The following FNDC3B variants were observed in gnomAD, a reference collection of about 807,000 sequenced individuals.
FNDC3B encodes the protein fibronectin type III domain-containing protein 3B.
In FNDC3B, 12 loss-of-function variants were observed where a neutral mutation model predicts 151.5. That is an observed-to-expected ratio of 0.08 (90% confidence interval 0.05 to 0.13). FNDC3B has a LOEUF of 0.13. Among genes scored for constraint, FNDC3B ranks in the 10% least tolerant of loss-of-function variants. The pLI, the probability that FNDC3B is intolerant of heterozygous loss-of-function variation, is 1.00. For missense variants in FNDC3B, 1,214 were observed against 1,505.3 expected (o/e 0.81, Z 3.20); for synonymous variants, 528 against 549.0 (o/e 0.96, Z 0.54).
chr3:172,288,684 C>G (rs1000336604), intron 7 of FNDC3B, among the ~76,000 whole-genome samples: 6 of 152,152 alleles, frequency 3.9e-5, no homozygotes, highest in African/African-American at 1.4e-4. Flanking sequence ...TCTGTAGATC[C>G]GCATTTATAT....
chr3:172,306,324 A>G (rs1731197597), intron 9 of FNDC3B, among the ~76,000 whole-genome samples: 1 of 152,224 alleles, frequency 6.6e-6, no homozygotes, highest in South Asian at 2.1e-4. Flanking sequence ...GATAAATACC[A>G]TTGATCCAAA....
At chr3:172,366,176 C>T (rs1396217050) in intron 23 of FNDC3B, among the ~76,000 whole-genome samples, 1 of 152,132 alleles carries the variant, frequency 6.6e-6, no homozygotes, top group African/African-American at 2.4e-5. Context: ...AACTATGATG[C>T]ACTGATTTAT....
chr3:172,223,382 G>A (rs1726387995), intron 3 of FNDC3B, among the ~76,000 whole-genome samples: 1 of 152,214 alleles, frequency 6.6e-6, no homozygotes, highest in Non-Finnish European at 1.5e-5. Context: ...ATTTTTAAAT[G>A]TCCTTTGAAA....
At position 172,168,790 on chromosome 3, in the gene FNDC3B, G is replaced by A. The variant is rs528127575; in HGVS notation, c.187+35244G>A. On this transcript the variant is annotated intron_variant, in intron 3 of 25. Coordinates refer to ENST00000415807, the MANE Select transcript of FNDC3B (RefSeq NM_022763.4). ...TGCAGTGGCGCGATCTCGGCTCACT[G>A]CAACCTCCGCTTCCCGGGTTCAAGT... Among the ~76,000 whole-genome samples, 136 of 147,304 alleles carry A rather than the reference G, an allele frequency of 9.2e-4. 1 individual carries two copies. Among genetic ancestry groups the A allele is most frequent in the African/African-American group, 3.4e-3 (134 of 39,382 alleles).
At chr3:172,325,285 T>C (rs894527427) in intron 11 of FNDC3B, among the ~76,000 whole-genome samples, 1 of 152,232 alleles carries the variant, frequency 6.6e-6, no homozygotes, top group African/African-American at 2.4e-5. Context: ...CTAAATTAGA[T>C]TTTTTAAAGG....
rs1553800973 is a variant in FNDC3B, at chr3:172,392,802, T to TCTTTTTTC, written c.3304-4362_3304-4361insCTTTTTTC. Among the ~76,000 whole-genome samples the TCTTTTTTC allele has an allele frequency of 9.6e-4, 45 of 46,828 alleles. 1 individual carries two copies. The highest frequency in any genetic ancestry group is 2.2e-3 in the Non-Finnish European group (38 of 17,552). 30.7% of individuals were successfully genotyped at this position (46,828 alleles called of 152,430 possible). A position where few individuals can be genotyped will look rare whatever the true frequency, so the allele number is the denominator to read the frequency against. ...AAGTAACTGAATGAATTTTTTCTTT[T>TCTTTTTTC]TTTTTTTCTTTTTTTTTTTTCAGAC... On this transcript the variant is annotated intron_variant, in intron 25 of 25. Coordinates refer to ENST00000415807, the MANE Select transcript of FNDC3B (RefSeq NM_022763.4).
chr3:172,276,990 T>G (rs1322273101), intron 6 of FNDC3B, among the ~76,000 whole-genome samples: 1 of 152,212 alleles, frequency 6.6e-6, no homozygotes, highest in African/African-American at 2.4e-5. Context: ...AATCTCAAAT[T>G]TATTCGATTA....
rs1446177394 is a variant in FNDC3B, at chr3:172,347,140, T to G, written c.2365-72T>G. On this transcript the variant is annotated intron_variant, in intron 20 of 25. Transcript: ENST00000415807. ...ATGTTGCTCTCTTTCCCATTTTAGT[T>G]AATTGAATACAAGCACAGTAGGATT... 2.2e-6 allele frequency: 3 copies of G among 1,358,480 alleles called. No individual in the cohort carries two copies. In the African/African-American group the frequency reaches 4.4e-5, roughly 20 times the overall value. 84.2% of individuals were successfully genotyped at this position (1,358,480 alleles called of 1,614,324 possible).
At chr3:172,044,805 A>G (rs1212901923) in intron 1 of FNDC3B, among the ~76,000 whole-genome samples, 1 of 152,236 alleles carries the variant, frequency 6.6e-6, no homozygotes, top group Non-Finnish European at 1.5e-5. Flanking sequence ...GACATCCCCA[A>G]GTGCTTAATA....
At chr3:172,389,774 G>T (rs1735910056) in intron 25 of FNDC3B, among the ~76,000 whole-genome samples, 1 of 152,152 alleles carries the variant, frequency 6.6e-6, no homozygotes, top group Admixed American at 6.5e-5. Flanking sequence ...GCTGAGGCAG[G>T]AGAATGGCCT....
intron 3 of FNDC3B, among the ~76,000 whole-genome samples, chr3:172,149,746 T>A (rs2108599171): frequency 6.6e-6 from 1 of 151,808 alleles, no homozygotes; most frequent in Non-Finnish European, 1.5e-5. Context: ...CAGTGTGATT[T>A]CTCTTGTTTT....
chr3:172,170,072 G>T (rs80318390), intron 3 of FNDC3B, among the ~76,000 whole-genome samples: 2,524 of 151,962 alleles, frequency 0.017, 61 homozygotes, highest in African/African-American at 0.058. Flanking sequence ...TTTAAATTTC[G>T]TTATCTATGT....
intron 22 of FNDC3B, among the ~76,000 whole-genome samples, chr3:172,353,312 T>A (rs989069106): frequency 6.6e-6 from 1 of 152,194 alleles, no homozygotes; most frequent in Non-Finnish European, 1.5e-5. Context: ...CTGCACCGTC[T>A]CTACCCCAGA....
At chr3:172,138,828 C>T (rs747217879) in intron 3 of FNDC3B, among the ~76,000 whole-genome samples, 7 of 152,212 alleles carry the variant, frequency 4.6e-5, no homozygotes, top group Admixed American at 2.6e-4. Flanking sequence ...CAACAGAATG[C>T]GTGCAGAGGG....
At chr3:172,304,031 C>G (rs1267987085) in intron 9 of FNDC3B, among the ~76,000 whole-genome samples, 1 of 152,212 alleles carries the variant, frequency 6.6e-6, no homozygotes, top group East Asian at 1.9e-4. Context: ...CCAACTCCAT[C>G]TGGCCCATAC....
At chr3:172,192,094 A>G (rs1287080566) in intron 3 of FNDC3B, among the ~76,000 whole-genome samples, 3 of 152,040 alleles carry the variant, frequency 2.0e-5, no homozygotes, top group African/African-American at 4.8e-5. Flanking sequence ...AGGTGGAGGA[A>G]GGCTTGGTTG....
rs1003954120 is a variant in FNDC3B at position 172,231,297 on chromosome 3, G to C, written c.264+4350G>C. Among the ~76,000 whole-genome samples the C allele has an allele frequency of 2.6e-5, 4 of 152,182 alleles. No individual in the cohort carries two copies. The South Asian group carries it at 6.2e-4, about 24-fold the overall frequency. On this transcript the variant is annotated intron_variant, in intron 4 of 25. Coordinates refer to ENST00000415807, the MANE Select transcript of FNDC3B (RefSeq NM_022763.4). The stretch of plus-strand genomic sequence containing the variant: ...AATAAATCAATGGTTGCCAGGAGTT[G>C]GGGGGAAGGAGTTAATGGGGTATGC...
At chr3:172,051,903 C>G (rs1270164630) in intron 1 of FNDC3B, among the ~76,000 whole-genome samples, 15 of 151,956 alleles carry the variant, frequency 9.9e-5, no homozygotes, top group Non-Finnish European at 1.9e-4. Context: ...TTGGAAAATT[C>G]GAACAAAAAG....
At chr3:172,295,554 G>A in intron 8 of FNDC3B, 40 bp downstream of exon 8, 1 of 1,578,788 alleles carries the variant, frequency 6.3e-7, no homozygotes, top group South Asian at 1.2e-5. Context: ...CTGCTAAACT[G>A]TAAAATTGGA....
Sources: gnomAD v4.1 joint callset for allele counts (sites outside exome capture counted in the v4.1 genomes callset) on GRCh38, gnomAD v4.1.1 for gene constraint, MANE v1.5 for transcripts, NCBI Gene and HGNC (gene_info 2026-07-23, HGNC 2026-07-21) for gene names.